The following ANXA4 variants were observed in gnomAD, a reference collection of about 807,000 sequenced individuals.
ANXA4 encodes the protein annexin A4.
A neutral mutation model predicts 49.8 loss-of-function variants in ANXA4; 39 were observed. The observed-to-expected ratio is 0.78, with a 90% CI of 0.61 to 1.02. The LOEUF (loss-of-function observed/expected upper bound fraction) is 1.02. ANXA4 is among the 50% of genes least tolerant of loss of function. The pLI, the probability that ANXA4 is intolerant of heterozygous loss-of-function variation, is 0.00. For synonymous variants in ANXA4, 134 were observed against 152.5 expected, an observed-to-expected ratio of 0.88 and a Z score of 0.89; for missense variants, 360 against 410.1, an observed-to-expected ratio of 0.88 and a Z score of 1.05.
intron 1 of ANXA4, among the ~76,000 whole-genome samples, chr2:69,777,391 C>A (rs1036733794): frequency 1.3e-5 from 2 of 152,180 alleles, no homozygotes; most frequent in Admixed American, 6.5e-5. Context: ...ACCAGCCCCC[C>A]ATCCTATAGT....
intron 2 of ANXA4, among the ~76,000 whole-genome samples, chr2:69,705,647 TC>T (rs1678471004): frequency 6.6e-6 from 1 of 152,172 alleles, no homozygotes; most frequent in African/African-American, 2.4e-5. Flanking sequence ...AGCACATACT[TC>T]TGGCTGGGAG....
intron 2 of ANXA4, among the ~76,000 whole-genome samples, chr2:69,672,204 T>A (rs931819820): frequency 2.6e-5 from 4 of 152,050 alleles, no homozygotes; most frequent in Non-Finnish European, 5.9e-5. Context: ...GTGAAAAAAA[T>A]TATGTACTTT....
intron 2 of ANXA4, among the ~76,000 whole-genome samples, chr2:69,694,292 G>A (rs1678080142): frequency 6.6e-6 from 1 of 151,976 alleles, no homozygotes; most frequent in Non-Finnish European, 1.5e-5. Flanking sequence ...CTGTGAAGCA[G>A]AAAGTAAGCC....
At chr2:69,731,982 T>C (rs1406290189) in intron 3 of ANXA4, among the ~76,000 whole-genome samples, 3 of 141,444 alleles carry the variant, frequency 2.1e-5, no homozygotes, top group Non-Finnish European at 3.1e-5. Flanking sequence ...TTTTCTTTCT[T>C]TTTTTTTTTT....
At chr2:69,769,856 T>G (rs2105553154) in intron 1 of ANXA4, among the ~76,000 whole-genome samples, 1 of 152,098 alleles carries the variant, frequency 6.6e-6, no homozygotes, top group South Asian at 2.1e-4. Flanking sequence ...AGAGATGGGG[T>G]TTCCTCATGT....
chr2:69,685,759 T>A (rs1034521327), intron 2 of ANXA4, among the ~76,000 whole-genome samples: 1 of 152,226 alleles, frequency 6.6e-6, no homozygotes, highest in Non-Finnish European at 1.5e-5. Flanking sequence ...GTCAGAAGTG[T>A]AACGTGGTTG....
chr2:69,654,002 C>G (rs1282520183), intron 2 of ANXA4, among the ~76,000 whole-genome samples: 1 of 152,172 alleles, frequency 6.6e-6, no homozygotes, highest in Non-Finnish European at 1.5e-5. Flanking sequence ...TCCTTCACAT[C>G]CCTTATAAGT....
At chr2:69,712,612 A>G (rs778731950) in intron 2 of ANXA4, among the ~76,000 whole-genome samples, 1 of 152,162 alleles carries the variant, frequency 6.6e-6, no homozygotes, top group Non-Finnish European at 1.5e-5. Context: ...GCCTTTTAAT[A>G]TGGATTCACA....
intron 2 of ANXA4, among the ~76,000 whole-genome samples, chr2:69,685,425 G>GA (rs1677753675): frequency 6.6e-6 from 1 of 152,162 alleles, no homozygotes; most frequent in Non-Finnish European, 1.5e-5. Context: ...GAATGAATTA[G>GA]AAACCAGTCA....
intron 11 of ANXA4, among the ~76,000 whole-genome samples, chr2:69,820,247 T>C (rs912950816): frequency 6.6e-6 from 1 of 151,858 alleles, no homozygotes; most frequent in African/African-American, 2.4e-5. Context: ...TTTTTTTTTT[T>C]TTCAATATTT....
intron 1 of ANXA4, among the ~76,000 whole-genome samples, chr2:69,750,956 CCT>C (rs142487566): frequency 0.046 from 6,940 of 152,224 alleles, 499 homozygotes; most frequent in African/African-American, 0.16. Context: ...GAGGGACCTG[CCT>C]CTCTCTGCTG....
At chr2:69,647,715 T>TA (rs1289909775) in intron 1 of ANXA4, among the ~76,000 whole-genome samples, 14 of 141,352 alleles carry the variant, frequency 9.9e-5, no homozygotes, top group Non-Finnish European at 1.6e-4. Flanking sequence ...AGCCACTTTT[T>TA]AAAAAAAATA....
At chr2:69,736,935 G>A (rs1670260234) in intron 3 of ANXA4, among the ~76,000 whole-genome samples, 1 of 152,072 alleles carries the variant, frequency 6.6e-6, no homozygotes, top group Non-Finnish European at 1.5e-5. Context: ...CTGAGTATCT[G>A]GGATTACAGG....
At chr2:69,681,800 TA>T in intron 2 of ANXA4, among the ~76,000 whole-genome samples, 1 of 152,224 alleles carries the variant, frequency 6.6e-6, no homozygotes, top group African/African-American at 2.4e-5. Flanking sequence ...TCTTTATTAT[TA>T]ATTTTATTCT....
intron 2 of ANXA4, among the ~76,000 whole-genome samples, chr2:69,783,611 G>A (rs1672290379): frequency 6.6e-6 from 1 of 151,990 alleles, no homozygotes; most frequent in Non-Finnish European, 1.5e-5. Context: ...AGGTATAATT[G>A]GCATATAGTG....
At chr2:69,792,868 A>G (rs190161778) in intron 3 of ANXA4, among the ~76,000 whole-genome samples, 34 of 151,546 alleles carry the variant, frequency 2.2e-4, no homozygotes, top group African/African-American at 8.2e-4. Flanking sequence ...GACTCCTTTC[A>G]GCATAGTTAG....
chr2:69,816,538 T>C (rs1009266051), intron 9 of ANXA4: 1 of 192,282 alleles, frequency 5.2e-6, no homozygotes, highest in South Asian at 1.1e-4. Context: ...GTAGATCAGG[T>C]AGCAATAAAA....
At chr2:69,708,804 G>A (rs1375464643) in intron 2 of ANXA4, among the ~76,000 whole-genome samples, 1 of 151,806 alleles carries the variant, frequency 6.6e-6, no homozygotes, top group Non-Finnish European at 1.5e-5. Flanking sequence ...ATCATTTGAG[G>A]CCAGGAGTTC....
chr2:69,659,117 C>T (rs1053592331), intron 2 of ANXA4, among the ~76,000 whole-genome samples: 1 of 152,106 alleles, frequency 6.6e-6, no homozygotes, highest in South Asian at 2.1e-4. Context: ...ATCAGAGTTA[C>T]TTTGTGAAAA....
Sources: allele counts gnomAD v4.1 joint callset (sites outside exome capture counted in the v4.1 genomes callset), GRCh38; gene constraint gnomAD v4.1.1; transcripts MANE v1.5; gene names NCBI Gene and HGNC (gene_info 2026-07-23, HGNC 2026-07-21).